CHRD: variants seen among roughly 807,000 people sequenced by gnomAD.
CHRD encodes chordin.
Under a neutral mutation model 113.7 loss-of-function variants are expected in CHRD, and 69 were observed. The ratio of observed to expected loss-of-function variants is 0.61; its 90% CI spans 0.50 to 0.74. The LOEUF (loss-of-function observed/expected upper bound fraction) is 0.74, where lower values mean the gene tolerates loss of function less well. Among genes scored for constraint, CHRD ranks in the 30% least tolerant of loss-of-function variants. The pLI is 0.00. For missense variants in CHRD, 1,194 were observed against 1,295.8 expected (o/e 0.92, Z 1.21); for synonymous variants, 561 against 540.8 (o/e 1.04, Z -0.52).
At chr3:184,383,226 A>G in intron 10 of CHRD, 63 bp downstream of exon 10, 1 of 1,588,280 alleles carries the variant, frequency 6.3e-7, no homozygotes. Context: ...GACAAGTGCC[A>G]GGGTGGGTGT....
At position 184,386,307 on chromosome 3, in the gene CHRD, AC is replaced by A. The variant is rs1010619958; in HGVS notation, c.1932+149del. The A allele has an allele frequency of 7.5e-6, 9 of 1,197,934 alleles. No individual in the cohort carries two copies. The African/African-American group carries it at 1.2e-4, about 16-fold the overall frequency. The allele number at this position is 1,197,934 out of a possible 1,614,324, so 74.2% of individuals were successfully genotyped here. A position where few individuals can be genotyped will look rare whatever the true frequency, so the allele number is the denominator to read the frequency against. The stretch of plus-strand genomic sequence containing the variant: ...CCCCGGCTGGTGGGGAGGATGAGCT[AC>A]ATGAGGAGGCTGGCAGCCCGGCACC... On this transcript the variant is annotated intron_variant, in intron 15 of 22. Coordinates refer to ENST00000204604, the Ensembl canonical transcript of CHRD.
chr3:184,385,839 T>G (rs1716193872), intron 14 of CHRD, among the ~76,000 whole-genome samples: 1 of 152,060 alleles, frequency 6.6e-6, no homozygotes, highest in Admixed American at 6.6e-5. Context: ...GTAGGTGGGA[T>G]GGACTAAGCC....
chr3:184,382,072 A>G (rs1412154650), intron 6 of CHRD, 52 bp downstream of exon 6: 2 of 1,605,140 alleles, frequency 1.2e-6, no homozygotes, highest in Non-Finnish European at 1.7e-6. Context: ...CTGTGCCGAG[A>G]GCATGCTCTG....
rs771273445 is a variant in CHRD, at chr3:184,381,860, G to A, written c.611+45G>A. 3.7e-6 allele frequency: 6 copies of A among 1,610,840 alleles called. No individual in the cohort carries two copies. The highest frequency in any genetic ancestry group is 5.1e-6 in the Non-Finnish European group (6 of 1,178,366). ...AAGGAGGGGTCAGCTGCCGGGGCCC[G>A]GGAGGGAAACTGGGAGAGCTGGGAG... On this transcript the variant is annotated intron_variant, in intron 5 of 22. Transcript: ENST00000204604. The surrounding 1 kb of genome is among the most constrained non-coding windows in gnomAD (Gnocchi z 4.7).
At chr3:184,383,729 A>T in intron 12 of CHRD, 87 bp downstream of exon 12, 1 of 1,321,758 alleles carries the variant, frequency 7.6e-7, no homozygotes, top group Non-Finnish European at 1.0e-6. Context: ...GTTCATTATC[A>T]TCCACTCACT....
In CHRD at chr3:184,387,932, G is replaced by C; in HGVS notation, c.2453G>C (p.Gly818Ala). 6.2e-7 allele frequency: 1 copy of C among 1,610,782 alleles called. No homozygotes were observed. Among genetic ancestry groups the C allele is most frequent in the Non-Finnish European group, 8.5e-7 (1 of 1,178,968 alleles). ...TCCTTGCTCAATGGATCCCTACAGGGGGGCACTGGAGAGGTGCACTGTGAG... is the reference window on the plus strand; with the variant it reads ...TCCTTGCTCAATGGATCCCTACAGGCGGGCACTGGAGAGGTGCACTGTGAG... Residue 818 changes from glycine (G) to alanine (A), a missense_variant and splice_region_variant, in exon 20 of 23, where the codon GGG becomes GCG. Gly to Ala is a moderately conservative substitution (Grantham distance 60). Coordinates refer to ENST00000204604, the Ensembl canonical transcript of CHRD. This position sits in a 1 kb window ranked among gnomAD's most constrained non-coding sequence, Gnocchi z 6.1.
rs143149196 is a variant in CHRD at position 184,382,881 on chromosome 3, C to T, written c.1008C>T (p.Leu336=). The T allele has an allele frequency of 2.5e-6, 4 of 1,613,680 alleles. No homozygotes were observed. In the Admixed American group the frequency reaches 5.0e-5, roughly 20 times the overall value. The change falls in exon 9 of 23, where the codon CTC becomes CTT. Residue 336 remains leucine, a synonymous_variant. Transcript: ENST00000204604. ...GACTAACCCAGGTTCCCTTGAGGCT[C>T]CAGATTCTACACCAGGGGCAGCTAC...
chr3:184,387,719 T>C lies in CHRD; in HGVS notation c.2452-212T>C, dbSNP rs73887471. On this transcript the variant is annotated intron_variant, in intron 19 of 22. Transcript: ENST00000204604. This position sits in a 1 kb window ranked among gnomAD's most constrained non-coding sequence, Gnocchi z 6.1. ...AGTGACCCTAGGCACCTTCTGTCCC[T>C]GAGCCTCACTTTCCTCTCCTGTAAG... 0.015 allele frequency among the ~76,000 whole-genome samples: 2,324 copies of C among 152,336 alleles called. 57 individuals carry two copies. Among genetic ancestry groups the C allele is most frequent in the African/African-American group, 0.053 (2,198 of 41,572 alleles).
chr3:184,384,899 G>T lies in CHRD; in HGVS notation c.1598-119G>T. ...AAAACTTGCTGCTCTCCAGGCCCTG[G>T]ACCTATGGACAGTGTCTTCCAGCTC... On this transcript the variant is annotated intron_variant, in intron 13 of 22. Transcript: ENST00000204604. The surrounding 1 kb of genome is among the most constrained non-coding windows in gnomAD (Gnocchi z 4.4). 8.0e-7 allele frequency: 1 copy of T among 1,251,458 alleles called. No homozygotes were observed. Among genetic ancestry groups the T allele is most frequent in the Non-Finnish European group, 1.1e-6 (1 of 883,994 alleles). 77.5% of individuals were successfully genotyped at this position (1,251,458 alleles called of 1,614,324 possible). A position where few individuals can be genotyped will look rare whatever the true frequency, so the allele number is the denominator to read the frequency against.
Position 184,388,028 on chromosome 3 carries a change from G to A in CHRD, c.2549G>A (p.Cys850Tyr), listed in dbSNP as rs773174535. The A allele has an allele frequency of 1.5e-5, 25 of 1,612,994 alleles. No individual in the cohort carries two copies. Residue 850 changes from cysteine (C) to tyrosine (Y), a missense_variant, in exon 20 of 23, where the codon TGT (cysteine) becomes TAT (tyrosine). Physicochemically the swap from Cys to Tyr is radical, Grantham distance 194. Transcript: ENST00000204604. The surrounding 1 kb of genome is among the most constrained non-coding windows in gnomAD (Gnocchi z 6.1). ...AACCCCACCGACTGCTGCAAACAGT[G>A]TCCAGGTGAGAGAGGTGGCTGAGCA...
rs1031842483 is a variant in CHRD, at chr3:184,380,249, C to A, written c.-70C>A. 20 of 397,610 alleles carry A rather than the reference C, an allele frequency of 5.0e-5. No individual in the cohort carries two copies. Among genetic ancestry groups the A allele is most frequent in the African/African-American group, 4.0e-4 (18 of 44,570 alleles). 24.6% of individuals were successfully genotyped at this position (397,610 alleles called of 1,614,324 possible). On this transcript the variant is annotated 5_prime_UTR_variant, in exon 1 of 23. Transcript: ENST00000204604. This position sits in a 1 kb window ranked among gnomAD's most constrained non-coding sequence, Gnocchi z 6.3. ...GGCCCGGCCCTCCGCCCTCCGCACT[C>A]CCGCCTCCCTCCCTCCGCCCGCTCC...
At chr3:184,382,905 A>G (rs760525879) in exon 9 of CHRD, 8 of 1,613,822 alleles carry the variant, frequency 5.0e-6, no homozygotes, top group South Asian at 2.2e-5. Context: ...AGGGGCAGCT[A>G]CTGCGAGAAC....
rs958302460 is a variant in CHRD at position 184,388,827 on chromosome 3, A to C, written c.2710-66A>C. 6 of 1,604,036 alleles carry C rather than the reference A, an allele frequency of 3.7e-6. No homozygotes were observed. The highest frequency in any genetic ancestry group is 4.3e-6 in the Non-Finnish European group (5 of 1,172,370). Reference sequence around the variant, plus strand: ...GACCTTCCCAGGGAGGTCCCTGAAGAAGCTGAAGGTCACTGTGTCCCAGTG... The same window carrying C: ...GACCTTCCCAGGGAGGTCCCTGAAGCAGCTGAAGGTCACTGTGTCCCAGTG... On this transcript the variant is annotated intron_variant, in intron 21 of 22. Coordinates refer to ENST00000204604, the Ensembl canonical transcript of CHRD. This position sits in a 1 kb window ranked among gnomAD's most constrained non-coding sequence, Gnocchi z 6.1.
At position 184,381,628 on chromosome 3, in the gene CHRD, G is replaced by A. The variant is rs752381713; in HGVS notation, c.511+4G>A. ...GCCCGTGGTGACGGCCACACGGGTA[G>A]GGGGCTGGCGAACAGCGGGGTTGTG... On this transcript the variant is annotated splice_donor_region_variant and intron_variant, in intron 4 of 22. Transcript: ENST00000204604. The surrounding 1 kb of genome is among the most constrained non-coding windows in gnomAD (Gnocchi z 4.7). 48 of 1,604,810 alleles carry A rather than the reference G, an allele frequency of 3.0e-5. No individual in the cohort carries two copies. The South Asian group carries it at 4.7e-4, about 16-fold the overall frequency.
downstream of CHRD, chr3:184,390,465 C>T (rs1352232588): frequency 2.0e-5 from 3 of 151,844 alleles, no homozygotes; most frequent in African/African-American, 4.8e-5. Context: ...CCTGGAAACT[C>T]GTGTTCTGGA....
Position 184,388,770 on chromosome 3 carries a change from G to T in CHRD, c.2709+29G>T. The T allele has an allele frequency of 6.2e-7, 1 of 1,612,644 alleles. No homozygotes were observed. The highest frequency in any genetic ancestry group is 1.7e-4 in the Middle Eastern group (1 of 6,056). On this transcript the variant is annotated intron_variant, in intron 21 of 22. Transcript: ENST00000204604. This position sits in a 1 kb window ranked among gnomAD's most constrained non-coding sequence, Gnocchi z 6.1. The stretch of plus-strand genomic sequence containing the variant: ...AGTGGGGAGCAGAGGCTTGTGTGAG[G>T]TGGGTACTGGGAGCCTGGTCTGGAG...
At chr3:184,386,871 G>T (rs769744361) in exon 17 of CHRD, 1 of 1,614,182 alleles carries the variant, frequency 6.2e-7, no homozygotes, top group South Asian at 1.1e-5. Flanking sequence ...GTGACCCGGT[G>T]GTGTGCCCAC....
intron 14 of CHRD, among the ~76,000 whole-genome samples, chr3:184,385,640 T>C (rs1716156939): frequency 8.8e-6 from 1 of 113,646 alleles, no homozygotes; most frequent in Admixed American, 1.4e-4. Flanking sequence ...CACTCCAGCC[T>C]GGACAGAAAG....
At position 184,388,448 on chromosome 3, in the gene CHRD, C is replaced by T. The variant is rs141189799; in HGVS notation, c.2555-139C>T. ...CCATCCATCCGTCCCTTCATCCATC[C>T]ATTCATCTGCCCACCCACCCATCCA... On this transcript the variant is annotated intron_variant, in intron 20 of 22. Transcript: ENST00000204604. The surrounding 1 kb of genome is among the most constrained non-coding windows in gnomAD (Gnocchi z 6.1). 3.2e-3 allele frequency: 2,832 copies of T among 872,622 alleles called. 9 individuals carry two copies. The highest frequency in any genetic ancestry group is 4.3e-3 in the Non-Finnish European group (2,394 of 560,728). 54.1% of individuals were successfully genotyped at this position (872,622 alleles called of 1,614,324 possible).
Sources: gnomAD v4.1 joint callset for allele counts (sites outside exome capture counted in the v4.1 genomes callset) on GRCh38, gnomAD v4.1.1 for gene constraint, Gnocchi (gnomAD v3.1) non-coding constraint, MANE v1.5 for transcripts, NCBI Gene and HGNC (gene_info 2026-07-23, HGNC 2026-07-21) for gene names.